MINAR2: variants seen among roughly 807,000 people sequenced by gnomAD.
MINAR2 encodes membrane integral NOTCH2 associated receptor 2, also known as major intrinsically disordered NOTCH2-binding receptor 1-like.
MINAR2 carries 21 observed loss-of-function variants against 16.1 expected under a neutral mutation model. The observed-to-expected ratio is 1.31, with a 90% CI of 0.93 to 1.88. The LOEUF (loss-of-function observed/expected upper bound fraction) is 1.88, where lower values mean the gene tolerates loss of function less well. Ranked by LOEUF, MINAR2 falls within the 40% of genes most tolerant of loss-of-function variation. The pLI, the probability that MINAR2 is intolerant of heterozygous loss-of-function variation, is 0.00. For synonymous variants in MINAR2, 86 were observed against 83.0 expected (o/e 1.04, Z -0.20); for missense variants, 259 against 229.8 (o/e 1.13, Z -0.82).
intron 2 of MINAR2, among the ~76,000 whole-genome samples, chr5:129,761,274 T>C (rs1274628385): frequency 1.3e-5 from 2 of 152,174 alleles, no homozygotes; most frequent in African/African-American, 4.8e-5. Context: ...GAAGCAGCCC[T>C]CTGTTTTCTG....
intron 2 of MINAR2, among the ~76,000 whole-genome samples, chr5:129,764,263 T>A (rs1165647479): frequency 1.3e-5 from 2 of 152,008 alleles, no homozygotes; most frequent in African/African-American, 4.8e-5. Context: ...AATGGGTCCT[T>A]TTTTCAGGAG....
In MINAR2 at chr5:129,766,341, G is replaced by A. The variant is rs139781229; in HGVS notation, c.*1278G>A. 8.5e-5 allele frequency: 13 copies of A among 152,338 alleles called. No homozygotes were observed. The highest frequency in any genetic ancestry group is 1.5e-4 in the Non-Finnish European group (10 of 68,046). The allele number at this position is 152,338 out of a possible 1,614,324, so 9.4% of individuals were successfully genotyped here. A position where few individuals can be genotyped will look rare whatever the true frequency, so the allele number is the denominator to read the frequency against. ...TTAAAGATGCTTGAAATAAAGTACA[G>A]TAAAAGACAGTTTGGGCTGGGCGCG... On this transcript the variant is annotated 3_prime_UTR_variant, in exon 3 of 3. Coordinates refer to ENST00000564719, the MANE Select transcript of MINAR2 (RefSeq NM_001257308.2).
chr5:129,749,107 TGAAACA>T (rs764241144), intron 1 of MINAR2, among the ~76,000 whole-genome samples: 1 of 152,192 alleles, frequency 6.6e-6, no homozygotes, highest in Non-Finnish European at 1.5e-5. Flanking sequence ...GCACAGCTAA[TGAAACA>T]GAAATAATCT....
At position 129,765,572 on chromosome 5, in the gene MINAR2, T is replaced by C. The variant is rs191741168; in HGVS notation, c.*509T>C. Reference sequence around the variant, plus strand: ...GTGCTGCCAACTGAGTTAGATTCATTCTCTGTTTTATTTTCCTGTATTTCT... The same window carrying C: ...GTGCTGCCAACTGAGTTAGATTCATCCTCTGTTTTATTTTCCTGTATTTCT... On this transcript the variant is annotated 3_prime_UTR_variant, in exon 3 of 3. Transcript: ENST00000564719. 1 of 152,412 alleles carries C rather than the reference T, an allele frequency of 6.6e-6. No homozygotes were observed. Among genetic ancestry groups the C allele is most frequent in the East Asian group, 1.9e-4 (1 of 5,186 alleles). 9.4% of individuals were successfully genotyped at this position (152,412 alleles called of 1,614,324 possible).
At position 129,755,829 on chromosome 5, in the gene MINAR2, A is replaced by G. The variant is rs1758047872; in HGVS notation, c.166-4549A>G. Among the ~76,000 whole-genome samples, 5 of 151,990 alleles carry G rather than the reference A, an allele frequency of 3.3e-5. No homozygotes were observed. In the South Asian group the frequency reaches 1.0e-3, roughly 32 times the overall value. On this transcript the variant is annotated intron_variant, in intron 1 of 2. Coordinates refer to ENST00000564719, the MANE Select transcript of MINAR2 (RefSeq NM_001257308.2). ...TAATATGTGTTGATTCTGTCTTTACATTTATGATTTTATTTTGACTGTTTT... is the reference window on the plus strand; with the variant it reads ...TAATATGTGTTGATTCTGTCTTTACGTTTATGATTTTATTTTGACTGTTTT...
chr5:129,758,478 C>A (rs1274661073), intron 1 of MINAR2, among the ~76,000 whole-genome samples: 1 of 151,980 alleles, frequency 6.6e-6, no homozygotes, highest in African/African-American at 2.4e-5. Flanking sequence ...TCAAAAATAT[C>A]ATCTAGAAAT....
chr5:129,748,496 C>G, intron 1 of MINAR2, 141 bp downstream of exon 1: 1 of 777,348 alleles, frequency 1.3e-6, no homozygotes, highest in Non-Finnish European at 1.9e-6. Context: ...GTCTTTCTCT[C>G]TTCCTTAACA....
intron 1 of MINAR2, among the ~76,000 whole-genome samples, chr5:129,753,742 G>A (rs79968529): frequency 0.016 from 2,435 of 151,654 alleles, 72 homozygotes; most frequent in African/African-American, 0.055. Flanking sequence ...AACAGGGTGG[G>A]ACTCCGTTGA....
chr5:129,758,711 C>T (rs1222960618), intron 1 of MINAR2, among the ~76,000 whole-genome samples: 2 of 151,732 alleles, frequency 1.3e-5, no homozygotes, highest in African/African-American at 2.4e-5. Flanking sequence ...GAATTATCCC[C>T]CTTCAGAGAT....
rs1046116482 is a variant in MINAR2, at chr5:129,765,834, G to GAA, written c.*773_*774dup. 1.3e-4 allele frequency: 20 copies of GAA among 152,136 alleles called. No homozygotes were observed. The highest frequency in any genetic ancestry group is 9.8e-4 in the Admixed American group (15 of 15,274). 9.4% of individuals were successfully genotyped at this position (152,136 alleles called of 1,614,324 possible). The stretch of plus-strand genomic sequence containing the variant: ...CATGGTCTAGGTTGGGGGTCCCTAG[G>GAA]AAAGCAGAGGGAATACTGCTAAGAG... On this transcript the variant is annotated 3_prime_UTR_variant, in exon 3 of 3. Coordinates refer to ENST00000564719, the MANE Select transcript of MINAR2 (RefSeq NM_001257308.2).
rs144732904 is a variant in MINAR2, at chr5:129,753,967, A to T, written c.165+5612A>T. Reference sequence around the variant, plus strand: ...ATCTACGAAGTAGATTGATAGCATCATCAAGTTCTTCAGGGTACCAAGTTG... The same window carrying T: ...ATCTACGAAGTAGATTGATAGCATCTTCAAGTTCTTCAGGGTACCAAGTTG... On this transcript the variant is annotated intron_variant, in intron 1 of 2. Transcript: ENST00000564719. Among the ~76,000 whole-genome samples the T allele has an allele frequency of 3.3e-5, 5 of 152,344 alleles. No homozygotes were observed. In the East Asian group the frequency reaches 9.6e-4, roughly 29 times the overall value.
intron 1 of MINAR2, among the ~76,000 whole-genome samples, chr5:129,751,196 A>G (rs553360968): frequency 6.6e-6 from 1 of 152,136 alleles, no homozygotes; most frequent in African/African-American, 2.4e-5. Context: ...AGCTAAAGCA[A>G]TACCATTCAA....
intron 1 of MINAR2, among the ~76,000 whole-genome samples, chr5:129,757,158 C>CA (rs908559829): frequency 4.0e-5 from 6 of 151,152 alleles, no homozygotes; most frequent in Non-Finnish European, 5.9e-5. Context: ...TGTAGTGTCA[C>CA]AAAAAAAGAA....
At chr5:129,757,586 T>C (rs930853031) in intron 1 of MINAR2, among the ~76,000 whole-genome samples, 1 of 152,018 alleles carries the variant, frequency 6.6e-6, no homozygotes, top group Non-Finnish European at 1.5e-5. Flanking sequence ...CTGTATTCTT[T>C]TTTTGTAGTC....
chr5:129,757,876 G>T (rs1243142885), intron 1 of MINAR2, among the ~76,000 whole-genome samples: 3 of 151,442 alleles, frequency 2.0e-5, no homozygotes, highest in Non-Finnish European at 4.4e-5. Flanking sequence ...TTTGCTTTCT[G>T]TCTTTCTTTC....
Position 129,760,405 on chromosome 5 carries a change from C to A in MINAR2, c.193C>A (p.Arg65=). 1 of 1,535,616 alleles carries A rather than the reference C, an allele frequency of 6.5e-7. No individual in the cohort carries two copies. Among genetic ancestry groups the A allele is most frequent in the South Asian group, 1.2e-5 (1 of 84,044 alleles). ...QREKKNIAAQ[R]IRGSSADSLV... is the part of the protein sequence containing the mutation. ...GGAAAAGAAGAATATTGCTGCTCAA[C>A]GAATTAGGGGATCCAGTGCAGACAG... Residue 65 remains arginine, a synonymous_variant, in exon 2 of 3, where the codon CGA becomes AGA. Transcript: ENST00000564719.
chr5:129,761,423 T>A (rs757096283), intron 2 of MINAR2, among the ~76,000 whole-genome samples: 52 of 152,128 alleles, frequency 3.4e-4, no homozygotes, highest in Non-Finnish European at 5.7e-4. Context: ...CTCGAGAATT[T>A]TTTTCTTTTT....
At chr5:129,755,558 T>C (rs1307552524) in intron 1 of MINAR2, among the ~76,000 whole-genome samples, 5 of 151,996 alleles carry the variant, frequency 3.3e-5, no homozygotes, top group Non-Finnish European at 1.5e-5. Flanking sequence ...ATAAGTTTGG[T>C]AAGTTATATT....
intron 2 of MINAR2, among the ~76,000 whole-genome samples, chr5:129,762,135 C>A (rs966342122): frequency 6.6e-6 from 1 of 151,934 alleles, no homozygotes; most frequent in African/African-American, 2.4e-5. Flanking sequence ...AACTATGTAA[C>A]AAACCTGCAC....
Sources: allele counts gnomAD v4.1 joint callset (sites outside exome capture counted in the v4.1 genomes callset), GRCh38; gene constraint gnomAD v4.1.1; transcripts MANE v1.5; gene names NCBI Gene and HGNC (gene_info 2026-07-23, HGNC 2026-07-21).